PCDH15: variants seen among roughly 807,000 people sequenced by gnomAD.
PCDH15 encodes the protein protocadherin related 15.
A neutral mutation model predicts 178.5 loss-of-function variants in PCDH15; 129 were observed. That is an observed-to-expected ratio of 0.72 (90% CI 0.63 to 0.84). PCDH15 has a LOEUF of 0.84. Ranked by LOEUF, PCDH15 falls within the 40% of genes least tolerant of loss-of-function variation. PCDH15 has a pLI of 0.00. For synonymous variants in PCDH15, 800 were observed against 732.0 expected (o/e 1.09, Z -1.50); for missense variants, 2,230 against 2,099.9 (o/e 1.06, Z -1.21).
chr10:54,197,752 T>A (rs1477517162), intron 10 of PCDH15, among the ~76,000 whole-genome samples: 1 of 152,188 alleles, frequency 6.6e-6, no homozygotes, highest in Admixed American at 6.5e-5. Context: ...TTGGTAGGGA[T>A]TGCTGACTTT....
intron 1 of PCDH15, among the ~76,000 whole-genome samples, chr10:54,684,303 G>T (rs1409962622): frequency 6.6e-6 from 1 of 151,658 alleles, no homozygotes; most frequent in Non-Finnish European, 1.5e-5. Context: ...TGTAGGTATA[G>T]AATATTTGCT....
intron 1 of PCDH15, among the ~76,000 whole-genome samples, chr10:55,246,794 A>G (rs1053453821): frequency 2.0e-5 from 3 of 152,176 alleles, no homozygotes; most frequent in African/African-American, 4.8e-5. Flanking sequence ...AAGATCTAAC[A>G]TTCTTTTCTT....
In PCDH15 at chr10:53,903,227, A is replaced by T. The variant is rs137968290; in HGVS notation, c.3501+16T>A. On this transcript the variant is annotated intron_variant, in intron 26 of 37. Transcript: ENST00000644397. ...GCTTTTACTTTAGTTCTGTATATTA[A>T]CATAATTCCGCATACCTTCACTCTG... 5 of 1,611,850 alleles carry T rather than the reference A, an allele frequency of 3.1e-6. No homozygotes were observed. In the East Asian group the frequency reaches 1.1e-4, roughly 36 times the overall value.
chr10:55,149,380 G>A (rs182177539), intron 2 of PCDH15, among the ~76,000 whole-genome samples: 10 of 151,606 alleles, frequency 6.6e-5, no homozygotes, highest in Admixed American at 1.3e-4. Context: ...TACCAAAAAC[G>A]TATAACCTTT....
At chr10:54,603,918 G>T (rs2134128076) in intron 2 of PCDH15, among the ~76,000 whole-genome samples, 1 of 152,098 alleles carries the variant, frequency 6.6e-6, no homozygotes, top group East Asian at 1.9e-4. Flanking sequence ...GGGCCCAGTT[G>T]CTATAATGTT....
chr10:54,681,132 C>A (rs1342678883), intron 1 of PCDH15, among the ~76,000 whole-genome samples: 1 of 152,058 alleles, frequency 6.6e-6, no homozygotes, highest in Non-Finnish European at 1.5e-5. Context: ...AGAGACGTAG[C>A]CAACAAGAAA....
At chr10:54,243,362 TG>T (rs749777142) in intron 8 of PCDH15, among the ~76,000 whole-genome samples, 1 of 151,832 alleles carries the variant, frequency 6.6e-6, no homozygotes, top group Non-Finnish European at 1.5e-5. Flanking sequence ...CAAAAATTAG[TG>T]GGGCATGGTG....
At position 55,581,151 on chromosome 10, in the gene PCDH15, G is replaced by C. The variant is rs186981363; in HGVS notation, c.-156+46474C>G. On this transcript the variant is annotated intron_variant, in intron 2 of 5. Transcript: ENST00000613346. ...TCTTTACCCTATGGCCATATATAGA[G>C]TCAGCAGTGCTTTTAGGAAAGTAAA... Among the ~76,000 whole-genome samples, 568 of 152,192 alleles carry C rather than the reference G, an allele frequency of 3.7e-3. 2 individuals carry two copies. The highest frequency in any genetic ancestry group is 0.01 in the Middle Eastern group (3 of 294).
intron 2 of PCDH15, among the ~76,000 whole-genome samples, chr10:55,570,609 T>G (rs946887586): frequency 2.6e-5 from 4 of 152,122 alleles, no homozygotes; most frequent in African/African-American, 9.6e-5. Context: ...TATATATGAC[T>G]TTTAAGAATG....
chr10:54,635,336 G>A (rs1344844929), intron 2 of PCDH15, among the ~76,000 whole-genome samples: 1 of 151,400 alleles, frequency 6.6e-6, no homozygotes, highest in Non-Finnish European at 1.5e-5. Flanking sequence ...AGAGCTCCAT[G>A]TAAAAATGGT....
Position 53,828,587 on chromosome 10 carries a change from C to G in PCDH15, c.4203-14G>C. On this transcript the variant is annotated splice_polypyrimidine_tract_variant and intron_variant, in intron 30 of 37. Coordinates refer to ENST00000644397, the MANE Select transcript of PCDH15 (RefSeq NM_001384140.1). ...TACACTTTAAACCTGTTTGGGAAAG[C>G]AAGAGTAAGAAAAATAGAAAGCTAC... is the stretch of plus-strand genomic sequence containing the variant. 1 of 1,542,110 alleles carries G rather than the reference C, an allele frequency of 6.5e-7. No homozygotes were observed. Among genetic ancestry groups the G allele is most frequent in the South Asian group, 1.1e-5 (1 of 89,414 alleles).
intron 15 of PCDH15, among the ~76,000 whole-genome samples, chr10:54,130,921 G>A (rs1290313053): frequency 6.6e-6 from 1 of 152,140 alleles, no homozygotes; most frequent in Non-Finnish European, 1.5e-5. Context: ...AGTTGATCAT[G>A]AACAAAAGTG....
At chr10:54,610,341 G>T (rs552708060) in intron 2 of PCDH15, among the ~76,000 whole-genome samples, 1 of 151,890 alleles carries the variant, frequency 6.6e-6, no homozygotes, top group African/African-American at 2.4e-5. Flanking sequence ...TTAGTACAAG[G>T]CACTGTCTAA....
intron 2 of PCDH15, among the ~76,000 whole-genome samples, chr10:55,598,092 G>GACT (rs1374878141): frequency 6.6e-6 from 1 of 152,052 alleles, no homozygotes; most frequent in Non-Finnish European, 1.5e-5. Flanking sequence ...GTGAAAGTAT[G>GACT]ACTAACCTAT....
At chr10:54,846,133 T>C (rs899055138) in intron 3 of PCDH15, among the ~76,000 whole-genome samples, 16 of 152,174 alleles carry the variant, frequency 1.1e-4, no homozygotes, top group Non-Finnish European at 7.3e-5. Flanking sequence ...CTTGTTGATA[T>C]TGCTGCTATG....
At chr10:54,783,653 T>G (rs1950575041) in intron 1 of PCDH15, among the ~76,000 whole-genome samples, 1 of 152,092 alleles carries the variant, frequency 6.6e-6, no homozygotes, top group African/African-American at 2.4e-5. Context: ...GATTTCCTAG[T>G]AGATTCAACC....
At chr10:55,395,194 TGTGAGAGA>T (rs1467745069) in intron 2 of PCDH15, among the ~76,000 whole-genome samples, 1,317 of 90,994 alleles carry the variant, frequency 0.014, 16 homozygotes, top group African/African-American at 0.054. Flanking sequence ...TGTGTGTGTG[TGTGAGAGA>T]GAGAGAGAGA....
intron 1 of PCDH15, among the ~76,000 whole-genome samples, chr10:54,709,502 T>C (rs961010610): frequency 1.6e-4 from 24 of 150,240 alleles, no homozygotes; most frequent in African/African-American, 5.8e-4. Flanking sequence ...CTTCCATTGT[T>C]GTTGTGAGGA....
At chr10:54,908,681 CAG>C in intron 2 of PCDH15, among the ~76,000 whole-genome samples, 1 of 152,306 alleles carries the variant, frequency 6.6e-6, no homozygotes, top group East Asian at 1.9e-4. Context: ...TAGAACAGCT[CAG>C]AGGAGACCCG....
Sources: gnomAD v4.1 joint callset for allele counts (sites outside exome capture counted in the v4.1 genomes callset) on GRCh38, gnomAD v4.1.1 for gene constraint, MANE v1.5 for transcripts, NCBI Gene and HGNC (gene_info 2026-07-23, HGNC 2026-07-21) for gene names.